GON4L: variants seen among roughly 807,000 people sequenced by gnomAD.
GON4L encodes the protein GON-4-like protein.
In GON4L, 87 loss-of-function variants were observed where a neutral mutation model predicts 211.8. The ratio of observed to expected loss-of-function variants is 0.41; its 90% CI spans 0.35 to 0.49. The LOEUF is 0.49. Among genes scored for constraint, GON4L ranks in the 20% least tolerant of loss-of-function variants. The pLI is 0.15. For missense variants in GON4L, 2,155 were observed against 2,659.5 expected, an observed-to-expected ratio of 0.81 and a Z score of 4.17; for synonymous variants, 875 against 962.6, an observed-to-expected ratio of 0.91 and a Z score of 1.68.
chr1:155,794,714 T>G (rs1665911571), intron 12 of GON4L, among the ~76,000 whole-genome samples: 1 of 152,214 alleles, frequency 6.6e-6, no homozygotes, highest in Non-Finnish European at 1.5e-5. Flanking sequence ...ATGTAAAACC[T>G]GTTACAGCAT....
chr1:155,783,695 G>C (rs1452658371), intron 14 of GON4L, among the ~76,000 whole-genome samples: 1 of 152,200 alleles, frequency 6.6e-6, no homozygotes, highest in Non-Finnish European at 1.5e-5. Flanking sequence ...TTGTGTGGCT[G>C]GCCACATTGA....
chr1:155,774,599 G>T (rs1230517908), intron 17 of GON4L, among the ~76,000 whole-genome samples: 1 of 152,058 alleles, frequency 6.6e-6, no homozygotes, highest in Admixed American at 6.6e-5. Context: ...GAGCCACCGC[G>T]CCTGGCCTTA....
At chr1:155,842,024 T>C (rs1365210990) in intron 2 of GON4L, among the ~76,000 whole-genome samples, 1 of 150,298 alleles carries the variant, frequency 6.7e-6, no homozygotes. Flanking sequence ...CAAGACTCCG[T>C]CTCAAAAAAA....
At chr1:155,847,110 C>T (rs2102458071) in intron 2 of GON4L, among the ~76,000 whole-genome samples, 1 of 152,316 alleles carries the variant, frequency 6.6e-6, no homozygotes, top group South Asian at 2.1e-4. Context: ...TACACAAATT[C>T]CGCATGTTCT....
At chr1:155,821,032 C>T (rs1490277063) in intron 5 of GON4L, among the ~76,000 whole-genome samples, 2 of 152,000 alleles carry the variant, frequency 1.3e-5, no homozygotes, top group African/African-American at 2.4e-5. Context: ...TTTGGGAGGC[C>T]GAGGCGGGCG....
At position 155,765,092 on chromosome 1, in the gene GON4L, C is replaced by T; in HGVS notation, c.4381G>A (p.Glu1461Lys). 6.2e-7 allele frequency: 1 copy of T among 1,614,192 alleles called. No individual in the cohort carries two copies. The highest frequency in any genetic ancestry group is 8.5e-7 in the Non-Finnish European group (1 of 1,180,050). ...GTGAGGTCATCAAAGTCCTCTTCTT[C>T]CTCTTCTTCTGGCCCATTCTTCTCT... The part of the protein sequence containing the change: ...GGEKNGPEEE[E>K]EEDFDDLTQD... Residue 1461 changes from glutamate to lysine, a missense_variant, in exon 21 of 32, where the codon GAA (glutamate) becomes AAA (lysine). This residue lies in a region of GON4L where 615 missense variants were observed against 625.7 expected (regional missense o/e 0.98). Coordinates refer to ENST00000368331, the MANE Select transcript of GON4L (RefSeq NM_001282860.2).
At chr1:155,841,326 TA>T in intron 2 of GON4L, among the ~76,000 whole-genome samples, 1 of 152,314 alleles carries the variant, frequency 6.6e-6, no homozygotes, top group South Asian at 2.1e-4. Flanking sequence ...TGAGAGATTA[TA>T]GGGGCTGGGT....
chr1:155,765,773 C>T lies in GON4L; in HGVS notation c.3700G>A (p.Ala1234Thr), dbSNP rs2101739708. 2 of 1,614,200 alleles carry T rather than the reference C, an allele frequency of 1.2e-6. No homozygotes were observed. The highest frequency in any genetic ancestry group is 2.2e-5 in the East Asian group (1 of 44,888). The stretch of plus-strand genomic sequence containing the variant: ...AAGGCATTTTCCCCATCAGCCACAG[C>T]ACAAGCAATGTCCACATTCACGTGG... ...KAHVNVDIAC[A>T]VADGENAFQG... The change falls in exon 21 of 32, where the codon GCT becomes ACT. Residue 1234 changes from alanine to threonine, a missense_variant. Around this residue, in one of 6 missense-constraint regions of GON4L, gnomAD observed 615 missense variants for 625.7 expected, o/e 0.98. Transcript: ENST00000368331.
At chr1:155,778,475 T>A (rs1336010613) in intron 14 of GON4L, among the ~76,000 whole-genome samples, 1 of 152,152 alleles carries the variant, frequency 6.6e-6, no homozygotes, top group Non-Finnish European at 1.5e-5. Context: ...ACGGTCTCCA[T>A]CTCCTGACCT....
chr1:155,749,165 T>C (rs1421534894), downstream of GON4L, among the ~76,000 whole-genome samples: 3 of 152,106 alleles, frequency 2.0e-5, 1 homozygote, highest in Non-Finnish European at 4.4e-5. Context: ...GGCAGAAGAA[T>C]TGTTTGAACC....
downstream of GON4L, chr1:155,747,973 C>T (rs766962122): frequency 1.9e-5 from 30 of 1,576,746 alleles, no homozygotes; most frequent in South Asian, 1.3e-4. Flanking sequence ...TTTTTCTTTA[C>T]GAGGAGGCCC....
At chr1:155,778,098 G>A (rs1044293529) in intron 14 of GON4L, among the ~76,000 whole-genome samples, 2 of 151,830 alleles carry the variant, frequency 1.3e-5, no homozygotes, top group African/African-American at 4.8e-5. Context: ...AAAATGCTAG[G>A]AACAGAGAAA....
At chr1:155,808,040 T>A (rs529921241) in intron 10 of GON4L, among the ~76,000 whole-genome samples, 25 of 151,748 alleles carry the variant, frequency 1.6e-4, no homozygotes, top group African/African-American at 5.3e-4. Context: ...CTTATTTATT[T>A]ATTTTTTTTT....
chr1:155,832,361 G>A (rs796210742), intron 2 of GON4L, among the ~76,000 whole-genome samples: 7 of 151,180 alleles, frequency 4.6e-5, no homozygotes, highest in Admixed American at 1.3e-4. Flanking sequence ...GGCAAGGTGC[G>A]CCTAGCGCAG....
intron 3 of GON4L, among the ~76,000 whole-genome samples, chr1:155,824,434 CAAAAAA>C (rs769823401): frequency 0.031 from 227 of 7,374 alleles, 1 homozygote; most frequent in African/African-American, 0.11. Context: ...AACTCCACAT[CAAAAAA>C]AAAAAAAAAA....
At chr1:155,840,771 G>A (rs1462747877) in intron 2 of GON4L, among the ~76,000 whole-genome samples, 3 of 152,164 alleles carry the variant, frequency 2.0e-5, no homozygotes, top group Non-Finnish European at 2.9e-5. Context: ...AGTTGATCAC[G>A]CCTGTAATCC....
At chr1:155,793,055 G>C (rs1334571341) in intron 12 of GON4L, among the ~76,000 whole-genome samples, 1 of 152,042 alleles carries the variant, frequency 6.6e-6, no homozygotes, top group East Asian at 1.9e-4. Context: ...ATAGCCATGA[G>C]CCACTGTGCC....
At chr1:155,754,541 T>TG in intron 27 of GON4L, 53 bp from the exon 28 acceptor site, 1 of 1,169,068 alleles carries the variant, frequency 8.6e-7, no homozygotes, top group Non-Finnish European at 1.2e-6. Flanking sequence ...TTTTTTTTTT[T>TG]TTTTTTGAGA....
chr1:155,844,978 A>C (rs1671092866), intron 2 of GON4L, among the ~76,000 whole-genome samples: 1 of 152,188 alleles, frequency 6.6e-6, no homozygotes, highest in South Asian at 2.1e-4. Context: ...CCCTTAGATG[A>C]GGCATCAAGA....
Sources: allele counts gnomAD v4.1 joint callset (sites outside exome capture counted in the v4.1 genomes callset), GRCh38; gene constraint gnomAD v4.1.1; regional missense constraint gnomAD v4.1.1; transcripts MANE v1.5; gene names NCBI Gene and HGNC (gene_info 2026-07-23, HGNC 2026-07-21).